Variants in UST observed in about 807,000 individuals in gnomAD.
The protein encoded by UST is chondroitin sulfate 2-O-sulfotransferase.
Under a neutral mutation model 45.6 loss-of-function variants are expected in UST, and 21 were observed. The observed-to-expected ratio is 0.46, with a 90% confidence interval of 0.33 to 0.66. The LOEUF (loss-of-function observed/expected upper bound fraction) is 0.66. UST is among the 30% of genes least tolerant of loss of function. The probability of loss-of-function intolerance (pLI) is 0.02; values close to 1 mark genes in which losing one functional copy is unlikely to be tolerated. For missense variants in UST, 463 were observed against 512.4 expected, an observed-to-expected ratio of 0.90 and a Z score of 0.93; for synonymous variants, 215 against 200.6, an observed-to-expected ratio of 1.07 and a Z score of -0.61.
chr6:148,902,586 C>T (rs907343405), intron 2 of UST, among the ~76,000 whole-genome samples: 2 of 151,884 alleles, frequency 1.3e-5, no homozygotes, highest in Non-Finnish European at 2.9e-5. Flanking sequence ...ACGTTGTTGC[C>T]CAGGTTGGTC....
At chr6:148,921,474 C>T (rs904642401) in intron 2 of UST, among the ~76,000 whole-genome samples, 2 of 152,178 alleles carry the variant, frequency 1.3e-5, no homozygotes, top group South Asian at 4.1e-4. Context: ...TGTGAAAAAG[C>T]ATTCCATCCG....
intron 3 of UST, among the ~76,000 whole-genome samples, chr6:148,948,474 A>C (rs1349581043): frequency 6.6e-6 from 1 of 152,206 alleles, no homozygotes; most frequent in Non-Finnish European, 1.5e-5. Flanking sequence ...GTCAGGTTGA[A>C]AGCAAAAGAT....
chr6:148,841,976 C>T (rs901977682), intron 1 of UST, among the ~76,000 whole-genome samples: 7 of 152,166 alleles, frequency 4.6e-5, no homozygotes, highest in African/African-American at 7.2e-5. Flanking sequence ...CGTGGTGGCA[C>T]GTGCCTGTAA....
Position 148,779,781 on chromosome 6 carries a change from G to A in UST, c.247+32104G>A, listed in dbSNP as rs192180805. 4.2e-3 allele frequency among the ~76,000 whole-genome samples: 634 copies of A among 152,206 alleles called. 3 individuals carry two copies. Among genetic ancestry groups the A allele is most frequent in the Non-Finnish European group, 7.4e-3 (504 of 67,978 alleles). ...TTCTCTCCTTGTGGGCTCTCAACAC[G>A]TCTTAACATTTTAAAGCCTCCCCTA... On this transcript the variant is annotated intron_variant, in intron 1 of 7. Transcript: ENST00000367463.
At chr6:148,913,582 C>T (rs17721845) in intron 2 of UST, among the ~76,000 whole-genome samples, 37,224 of 151,736 alleles carry the variant, frequency 0.25, 4,650 homozygotes, top group Middle Eastern at 0.32. Context: ...AGGAGAAAAC[C>T]GTAATAGTGA....
At chr6:149,062,790 G>A (rs763421228) in intron 7 of UST, among the ~76,000 whole-genome samples, 1 of 152,240 alleles carries the variant, frequency 6.6e-6, no homozygotes, top group Non-Finnish European at 1.5e-5. Flanking sequence ...AGCTGGTCTT[G>A]TGACCTCTGG....
intron 5 of UST, among the ~76,000 whole-genome samples, chr6:149,015,359 T>G (rs2115016380): frequency 1.3e-5 from 2 of 152,368 alleles, no homozygotes. Context: ...CATAGTTATC[T>G]GGAATGCTTA....
chr6:148,762,701 C>T (rs1776244472), intron 1 of UST, among the ~76,000 whole-genome samples: 1 of 152,072 alleles, frequency 6.6e-6, no homozygotes, highest in Non-Finnish European at 1.5e-5. Context: ...TCCCTCCCTG[C>T]TTTTGAGAGT....
At chr6:149,065,111 C>A (rs1014917995) in intron 7 of UST, among the ~76,000 whole-genome samples, 2 of 152,214 alleles carry the variant, frequency 1.3e-5, no homozygotes, top group Non-Finnish European at 2.9e-5. Flanking sequence ...TTCACTTCTT[C>A]ATGGTTAATC....
intron 2 of UST, among the ~76,000 whole-genome samples, chr6:148,903,458 A>G (rs893598784): frequency 6.6e-6 from 1 of 152,246 alleles, no homozygotes; most frequent in Admixed American, 6.5e-5. Flanking sequence ...TCATGTTAAC[A>G]AAATATTATT....
At chr6:148,789,509 A>C (rs1776799685) in intron 1 of UST, among the ~76,000 whole-genome samples, 1 of 150,246 alleles carries the variant, frequency 6.7e-6, no homozygotes, top group Non-Finnish European at 1.5e-5. Context: ...TATTTATATA[A>C]ATGTTTTTGA....
chr6:149,009,531 A>G lies in UST; in HGVS notation c.682-9608A>G, dbSNP rs181237549. Among the ~76,000 whole-genome samples, 7 of 150,588 alleles carry G rather than the reference A, an allele frequency of 4.6e-5. No individual in the cohort carries two copies. In the East Asian group the frequency reaches 1.4e-3, roughly 29 times the overall value. ...AATCAGGGTTAGAGAGAGAAATGTT[A>G]AAGAGCACACAATCTTCTCTGATGT... On this transcript the variant is annotated intron_variant, in intron 5 of 7. Coordinates refer to ENST00000367463, the MANE Select transcript of UST (RefSeq NM_005715.3).
chr6:149,052,055 A>G (rs1270841621), intron 7 of UST, among the ~76,000 whole-genome samples: 8 of 152,236 alleles, frequency 5.3e-5, no homozygotes, highest in Admixed American at 5.2e-4. Context: ...AGGTGGGGAA[A>G]GTTGATCTAT....
intron 7 of UST, among the ~76,000 whole-genome samples, chr6:149,040,494 A>C (rs1229057980): frequency 6.6e-6 from 1 of 152,070 alleles, no homozygotes; most frequent in Non-Finnish European, 1.5e-5. Flanking sequence ...GTCTCTACTA[A>C]AAATACAAAA....
chr6:148,906,270 C>A (rs6914084), intron 2 of UST, among the ~76,000 whole-genome samples: 17,845 of 152,210 alleles, frequency 0.12, 1,229 homozygotes, highest in Middle Eastern at 0.16. Flanking sequence ...TCTTCCTCCC[C>A]TTGGCCAAAA....
At chr6:148,784,205 A>G (rs537765916) in intron 1 of UST, among the ~76,000 whole-genome samples, 64 of 152,326 alleles carry the variant, frequency 4.2e-4, no homozygotes, top group Non-Finnish European at 8.5e-4. Flanking sequence ...CTAAAAATAA[A>G]TGCTATGAAA....
chr6:148,862,125 G>A (rs1778329281), intron 1 of UST, among the ~76,000 whole-genome samples: 1 of 152,120 alleles, frequency 6.6e-6, no homozygotes, highest in South Asian at 2.1e-4. Context: ...TTATTGTGTG[G>A]GAGTCTAAGT....
intron 5 of UST, among the ~76,000 whole-genome samples, chr6:148,975,034 G>A (rs1011703497): frequency 6.6e-6 from 1 of 152,144 alleles, no homozygotes; most frequent in Non-Finnish European, 1.5e-5. Context: ...CAACTAAAAA[G>A]GAAACTTTGA....
chr6:148,933,158 A>C (rs12527307), intron 2 of UST, among the ~76,000 whole-genome samples: 11,454 of 152,262 alleles, frequency 0.075, 474 homozygotes, highest in South Asian at 0.14. Flanking sequence ...AATATTATGA[A>C]TGTTAAGAAA....
Sources: gnomAD v4.1 joint callset for allele counts (sites outside exome capture counted in the v4.1 genomes callset) on GRCh38, gnomAD v4.1.1 for gene constraint, MANE v1.5 for transcripts, NCBI Gene and HGNC (gene_info 2026-07-23, HGNC 2026-07-21) for gene names.